The following RNF13 variants were observed in gnomAD, a reference collection of about 807,000 sequenced individuals.
RNF13 encodes the protein ring finger protein 13.
A neutral mutation model predicts 37.7 loss-of-function variants in RNF13; 19 were observed. The ratio of observed to expected loss-of-function variants is 0.50; its 90% CI spans 0.35 to 0.74. The LOEUF (loss-of-function observed/expected upper bound fraction) is 0.74. Among genes scored for constraint, RNF13 ranks in the 30% least tolerant of loss-of-function variants. The probability of loss-of-function intolerance (pLI) is 0.01; values close to 1 mark genes in which losing one functional copy is unlikely to be tolerated. For missense variants in RNF13, 375 were observed against 453.0 expected, an observed-to-expected ratio of 0.83 and a Z score of 1.56; for synonymous variants, 144 against 157.8, an observed-to-expected ratio of 0.91 and a Z score of 0.65.
At chr3:149,903,978 T>TCTAC (rs1334850046) in intron 6 of RNF13, among the ~76,000 whole-genome samples, 12 of 151,822 alleles carry the variant, frequency 7.9e-5, no homozygotes, top group Non-Finnish European at 1.3e-4. Flanking sequence ...TGTCTATCTA[T>TCTAC]CTACCTACCT....
chr3:149,855,388 C>T (rs1281786248), intron 3 of RNF13, among the ~76,000 whole-genome samples: 3 of 151,316 alleles, frequency 2.0e-5, no homozygotes, highest in African/African-American at 7.3e-5. Context: ...AGAACTCTTT[C>T]CACAGCAGCA....
At chr3:149,836,630 A>G (rs1487657778) in intron 1 of RNF13, among the ~76,000 whole-genome samples, 1 of 152,172 alleles carries the variant, frequency 6.6e-6, no homozygotes, top group African/African-American at 2.4e-5. Context: ...CTTTAAAAAA[A>G]AAAAATCAAA....
chr3:149,926,726 C>A (rs1215826186), intron 8 of RNF13, among the ~76,000 whole-genome samples: 2 of 152,106 alleles, frequency 1.3e-5, no homozygotes, highest in Non-Finnish European at 2.9e-5. Flanking sequence ...CACTGTTCTG[C>A]AGTGTCACCT....
chr3:149,937,264 A>T (rs2108570495), intron 8 of RNF13, among the ~76,000 whole-genome samples: 1 of 152,070 alleles, frequency 6.6e-6, no homozygotes, highest in Non-Finnish European at 1.5e-5. Context: ...CTGCATAGTA[A>T]CCCTAGACGG....
intron 3 of RNF13, among the ~76,000 whole-genome samples, chr3:149,862,245 A>G (rs1460960763): frequency 1.3e-5 from 2 of 152,068 alleles, no homozygotes; most frequent in Non-Finnish European, 2.9e-5. Context: ...TTCACTTTTT[A>G]AAAATGGAAA....
At chr3:149,837,766 C>G (rs1372386780) in intron 1 of RNF13, among the ~76,000 whole-genome samples, 1 of 152,030 alleles carries the variant, frequency 6.6e-6, no homozygotes, top group Non-Finnish European at 1.5e-5. Context: ...CCATGTCATT[C>G]TGCCCTGGCC....
At chr3:149,943,328 A>G (rs1334663875) in intron 8 of RNF13, among the ~76,000 whole-genome samples, 1 of 152,080 alleles carries the variant, frequency 6.6e-6, no homozygotes, top group African/African-American at 2.4e-5. Flanking sequence ...CACACAGGCA[A>G]AGCCTTACCA....
chr3:149,953,685 T>C (rs1338204494), intron 8 of RNF13, among the ~76,000 whole-genome samples: 1 of 152,202 alleles, frequency 6.6e-6, no homozygotes, highest in Non-Finnish European at 1.5e-5. Context: ...GCAAAGGCTT[T>C]AGAGCCCAAC....
chr3:149,818,079 A>G lies in RNF13; in HGVS notation c.-17+4726A>G, dbSNP rs536701657. Among the ~76,000 whole-genome samples the G allele has an allele frequency of 5.3e-5, 8 of 152,320 alleles. No individual in the cohort carries two copies. In the South Asian group the frequency reaches 1.7e-3, roughly 32 times the overall value. On this transcript the variant is annotated intron_variant, in intron 1 of 9. Coordinates refer to ENST00000392894, the MANE Select transcript of RNF13 (RefSeq NM_183381.3). ...AAGTTCTCAGTAAACCAACAGAAAA[A>G]TGTTGTTGAGCATGAGAAGAAGGTT... is the stretch of plus-strand genomic sequence containing the variant.
At chr3:149,834,217 T>C (rs1721357613) in intron 1 of RNF13, among the ~76,000 whole-genome samples, 2 of 152,206 alleles carry the variant, frequency 1.3e-5, no homozygotes, top group African/African-American at 4.8e-5. Flanking sequence ...TGTAATATTA[T>C]CAAAATCGCA....
intron 3 of RNF13, among the ~76,000 whole-genome samples, chr3:149,859,239 G>T (rs541926698): frequency 2.4e-4 from 36 of 152,222 alleles, no homozygotes; most frequent in African/African-American, 8.2e-4. Flanking sequence ...AAAATAAAGA[G>T]TCAAACCATC....
chr3:149,855,414 T>C (rs1723547763), intron 3 of RNF13, among the ~76,000 whole-genome samples: 1 of 151,906 alleles, frequency 6.6e-6, no homozygotes, highest in African/African-American at 2.4e-5. Context: ...AAATCTAGTA[T>C]GTTCCTGTTA....
At chr3:149,916,615 G>T (rs1168990270) in intron 7 of RNF13, among the ~76,000 whole-genome samples, 1 of 151,904 alleles carries the variant, frequency 6.6e-6, no homozygotes, top group Admixed American at 6.6e-5. Context: ...TACCTTGTCT[G>T]GTTGTATGTC....
chr3:149,879,081 A>T lies in RNF13; in HGVS notation c.321+6927A>T, dbSNP rs1342963173. ...AAGTTTGAAGAGGCCAGGCTCCAGA[A>T]CCATCCAGTATCTGTATTATGCTAT... On this transcript the variant is annotated intron_variant, in intron 4 of 9. Transcript: ENST00000392894. Among the ~76,000 whole-genome samples, 3 of 152,166 alleles carry T rather than the reference A, an allele frequency of 2.0e-5. No homozygotes were observed. In the East Asian group the frequency reaches 5.8e-4, roughly 29 times the overall value.
chr3:149,940,353 A>T (rs1049961759), intron 8 of RNF13, among the ~76,000 whole-genome samples: 4 of 152,170 alleles, frequency 2.6e-5, no homozygotes, highest in African/African-American at 9.7e-5. Context: ...CATTGCTGTT[A>T]TTCATTTCAC....
At chr3:149,855,438 A>G (rs1723550104) in intron 3 of RNF13, among the ~76,000 whole-genome samples, 1 of 151,830 alleles carries the variant, frequency 6.6e-6, no homozygotes. Flanking sequence ...ACTGCATGGT[A>G]TTCTGTAATA....
chr3:149,846,562 T>C (rs1267255108), intron 2 of RNF13, among the ~76,000 whole-genome samples: 1 of 152,228 alleles, frequency 6.6e-6, no homozygotes, highest in Non-Finnish European at 1.5e-5. Flanking sequence ...CGCCTTGGCC[T>C]CCCAAAGTGT....
At chr3:149,815,754 C>T (rs569272195) in intron 1 of RNF13, among the ~76,000 whole-genome samples, 1 of 152,194 alleles carries the variant, frequency 6.6e-6, no homozygotes, top group South Asian at 2.1e-4. Context: ...TTGGTATTGT[C>T]AAAGTTTATA....
intron 1 of RNF13, among the ~76,000 whole-genome samples, chr3:149,844,164 T>G (rs1722426764): frequency 6.6e-6 from 1 of 152,240 alleles, no homozygotes; most frequent in Non-Finnish European, 1.5e-5. Flanking sequence ...ATGGTATGAT[T>G]TCTAACCAGA....
Sources: gnomAD v4.1 joint callset for allele counts (sites outside exome capture counted in the v4.1 genomes callset) on GRCh38, gnomAD v4.1.1 for gene constraint, MANE v1.5 for transcripts, NCBI Gene and HGNC (gene_info 2026-07-23, HGNC 2026-07-21) for gene names.